The following YIPF4 variants were observed in gnomAD, a reference collection of about 807,000 sequenced individuals.
YIPF4 encodes protein YIPF4.
A neutral mutation model predicts 29.4 loss-of-function variants in YIPF4; 18 were observed. The ratio of observed to expected loss-of-function variants is 0.61; its 90% CI spans 0.42 to 0.91. The LOEUF is 0.91. Ranked by LOEUF, YIPF4 falls within the 40% of genes least tolerant of loss-of-function variation. The pLI, the probability that YIPF4 is intolerant of heterozygous loss-of-function variation, is 0.00. For synonymous variants in YIPF4, 115 were observed against 104.7 expected (o/e 1.10, Z -0.60); for missense variants, 279 against 282.7 (o/e 0.99, Z 0.09).
At chr2:32,302,740 T>C (rs1317645724) in intron 5 of YIPF4, among the ~76,000 whole-genome samples, 1 of 152,216 alleles carries the variant, frequency 6.6e-6, no homozygotes, top group Non-Finnish European at 1.5e-5. Context: ...ACAGAACTTT[T>C]AAAGACTGTG....
In YIPF4 at chr2:32,307,684, T is replaced by G. The variant is rs1035974880; in HGVS notation, c.*2058T>G. On this transcript the variant is annotated 3_prime_UTR_variant, in exon 6 of 6. Transcript: ENST00000238831. The stretch of plus-strand genomic sequence containing the variant: ...GGCTCACGCCTGTAATCCCAGCACT[T>G]TGGGAGGCCAAAGTGGATGAGCAGC... The G allele has an allele frequency of 2.6e-5, 4 of 152,250 alleles. No homozygotes were observed. Among genetic ancestry groups the G allele is most frequent in the African/African-American group, 9.7e-5 (4 of 41,414 alleles). 9.4% of individuals were successfully genotyped at this position (152,250 alleles called of 1,614,324 possible).
intron 4 of YIPF4, among the ~76,000 whole-genome samples, chr2:32,300,266 CA>C (rs966480755): frequency 3.4e-5 from 5 of 148,950 alleles, no homozygotes; most frequent in African/African-American, 4.9e-5. Flanking sequence ...AACTCCGTCT[CA>C]AAAAAAAGAT....
At chr2:32,298,980 C>T (rs552815886) in intron 4 of YIPF4, among the ~76,000 whole-genome samples, 48 of 152,034 alleles carry the variant, frequency 3.2e-4, no homozygotes, top group Admixed American at 9.8e-4. Context: ...TGGGTTCAAG[C>T]GATTCTCCTG....
chr2:32,284,809 G>A (rs2030585304), intron 1 of YIPF4, among the ~76,000 whole-genome samples: 1 of 152,146 alleles, frequency 6.6e-6, no homozygotes, highest in African/African-American at 2.4e-5. Context: ...ACAGAATCCA[G>A]GTTCATTCAG....
chr2:32,280,702 G>C (rs2030368908), intron 1 of YIPF4, among the ~76,000 whole-genome samples: 2 of 151,996 alleles, frequency 1.3e-5, no homozygotes, highest in African/African-American at 2.4e-5. Context: ...ACATTTTGTA[G>C]ATCTCACTAG....
intron 3 of YIPF4, among the ~76,000 whole-genome samples, chr2:32,294,881 A>C (rs536212299): frequency 6.6e-6 from 1 of 152,256 alleles, no homozygotes; most frequent in Non-Finnish European, 1.5e-5. Flanking sequence ...CCCGGCCAAC[A>C]CAGCGAAACC....
At chr2:32,281,213 T>C (rs1161322647) in intron 1 of YIPF4, among the ~76,000 whole-genome samples, 1 of 152,120 alleles carries the variant, frequency 6.6e-6, no homozygotes, top group Non-Finnish European at 1.5e-5. Context: ...ATTTAGAGTA[T>C]TTTAAGTATA....
chr2:32,299,126 A>C (rs1387909114), intron 4 of YIPF4, among the ~76,000 whole-genome samples: 1 of 152,170 alleles, frequency 6.6e-6, no homozygotes, highest in Non-Finnish European at 1.5e-5. Flanking sequence ...GATCTGCCTC[A>C]GCCTCGCAAA....
chr2:32,305,305 A>AGAGTACACATTTAC (rs1234677593), intron 5 of YIPF4, among the ~76,000 whole-genome samples, 184 bp from the exon 6 acceptor site: 1 of 152,220 alleles, frequency 6.6e-6, no homozygotes, highest in East Asian at 1.9e-4. Flanking sequence ...TACAGAAGTC[A>AGAGTACACATTTAC]AGGAGTAGAG....
chr2:32,294,090 C>T (rs1414673825), intron 3 of YIPF4, among the ~76,000 whole-genome samples: 1 of 150,496 alleles, frequency 6.6e-6, no homozygotes, highest in African/African-American at 2.4e-5. Flanking sequence ...CCCTCACCTC[C>T]CGGACAGGGT....
intron 3 of YIPF4, among the ~76,000 whole-genome samples, chr2:32,297,946 G>A (rs2031257729): frequency 6.6e-6 from 1 of 151,158 alleles, no homozygotes. Context: ...TAAGACAGGG[G>A]GTTGATAGTA....
Position 32,306,794 on chromosome 2 carries a change from T to A in YIPF4, c.*1168T>A, listed in dbSNP as rs2031595560. On this transcript the variant is annotated 3_prime_UTR_variant, in exon 6 of 6. Transcript: ENST00000238831. ...ATTTATGTCCATAAAATATCAAATG[T>A]CTGTTAACTATTAGCAAATTATTGT... The A allele has an allele frequency of 5.0e-6, 1 of 201,058 alleles. No homozygotes were observed. Among genetic ancestry groups the A allele is most frequent in the Non-Finnish European group, 8.9e-6 (1 of 112,020 alleles). 12.5% of individuals were successfully genotyped at this position (201,058 alleles called of 1,614,324 possible).
intron 3 of YIPF4, among the ~76,000 whole-genome samples, chr2:32,295,813 G>T (rs1354896233): frequency 1.3e-5 from 2 of 152,100 alleles, no homozygotes; most frequent in Non-Finnish European, 2.9e-5. Context: ...ATGTTAGTCA[G>T]GCTGGTCTCA....
intron 3 of YIPF4, among the ~76,000 whole-genome samples, chr2:32,294,922 T>A (rs2031110735): frequency 6.6e-6 from 1 of 151,924 alleles, no homozygotes; most frequent in African/African-American, 2.4e-5. Context: ...CAAAAACCAG[T>A]CAGGCGTGGC....
At chr2:32,293,027 C>A (rs575829971) in intron 3 of YIPF4, among the ~76,000 whole-genome samples, 13 of 149,628 alleles carry the variant, frequency 8.7e-5, no homozygotes, top group African/African-American at 3.2e-4. Context: ...TATTTCTTAC[C>A]TTTTTTTTGA....
intron 1 of YIPF4, among the ~76,000 whole-genome samples, chr2:32,288,526 TG>T (rs1325211772): frequency 1.3e-5 from 2 of 152,128 alleles, no homozygotes; most frequent in Non-Finnish European, 2.9e-5. Context: ...AAAACACTCT[TG>T]GCCTGGCGCG....
intron 3 of YIPF4, among the ~76,000 whole-genome samples, chr2:32,293,739 G>T (rs904280256): frequency 6.8e-6 from 1 of 147,346 alleles, no homozygotes; most frequent in Non-Finnish European, 1.5e-5. Context: ...CAACCTCCCG[G>T]ACGGGGCGGC....
intron 1 of YIPF4, among the ~76,000 whole-genome samples, chr2:32,284,713 G>C (rs1165415138): frequency 6.6e-6 from 1 of 152,174 alleles, no homozygotes; most frequent in African/African-American, 2.4e-5. Context: ...GACTAATACA[G>C]CAAGTATATC....
At chr2:32,302,135 A>G (rs1357932388) in intron 5 of YIPF4, among the ~76,000 whole-genome samples, 1 of 148,572 alleles carries the variant, frequency 6.7e-6, no homozygotes, top group Non-Finnish European at 1.5e-5. Flanking sequence ...GGTTCAAGCC[A>G]TTCTTCTGCT....
Sources: allele counts gnomAD v4.1 joint callset (sites outside exome capture counted in the v4.1 genomes callset), GRCh38; gene constraint gnomAD v4.1.1; transcripts MANE v1.5; gene names NCBI Gene and HGNC (gene_info 2026-07-23, HGNC 2026-07-21).